PDE4D: variants seen among roughly 807,000 people sequenced by gnomAD.
PDE4D encodes 3',5'-cyclic-AMP phosphodiesterase 4D.
PDE4D carries 24 observed loss-of-function variants against 87.4 expected under a neutral mutation model. The ratio of observed to expected loss-of-function variants is 0.27; its 90% CI spans 0.20 to 0.39. PDE4D has a LOEUF of 0.39. Ranked by LOEUF, PDE4D falls within the 10% of genes least tolerant of loss-of-function variation. PDE4D has a pLI of 1.00. For missense variants in PDE4D, 714 were observed against 1,041.0 expected (o/e 0.69, Z 4.32); for synonymous variants, 384 against 383.2 (o/e 1.00, Z -0.02).
At chr5:59,439,858 G>A (rs1189697144) in intron 1 of PDE4D, among the ~76,000 whole-genome samples, 2 of 152,150 alleles carry the variant, frequency 1.3e-5, no homozygotes, top group Non-Finnish European at 2.9e-5. Context: ...GTAGAGGTAA[G>A]CAGCTAGGTG....
intron 1 of PDE4D, among the ~76,000 whole-genome samples, chr5:60,455,269 T>C (rs1039478663): frequency 1.3e-5 from 2 of 152,198 alleles, no homozygotes; most frequent in African/African-American, 4.8e-5. Context: ...TTTTCTATTA[T>C]GAATTTACTA....
intron 1 of PDE4D, among the ~76,000 whole-genome samples, chr5:60,412,358 G>A (rs1742116068): frequency 6.6e-6 from 1 of 152,150 alleles, no homozygotes; most frequent in African/African-American, 2.4e-5. Flanking sequence ...GAGCAATCCA[G>A]AAGAGATAGA....
At chr5:59,074,565 C>T (rs1462022758) in intron 5 of PDE4D, among the ~76,000 whole-genome samples, 2 of 152,120 alleles carry the variant, frequency 1.3e-5, no homozygotes, top group African/African-American at 4.8e-5. Flanking sequence ...CCAGACCAGC[C>T]TGGCCAACAT....
At chr5:59,715,580 T>C (rs946066218) in intron 1 of PDE4D, among the ~76,000 whole-genome samples, 3 of 152,202 alleles carry the variant, frequency 2.0e-5, no homozygotes, top group Non-Finnish European at 4.4e-5. Context: ...CATATGATAA[T>C]CTGCACCAAT....
intron 1 of PDE4D, among the ~76,000 whole-genome samples, chr5:59,363,884 G>A (rs1782624253): frequency 6.6e-6 from 1 of 152,130 alleles, no homozygotes; most frequent in Non-Finnish European, 1.5e-5. Context: ...GAGAGAGGAG[G>A]CCTAGAGTAT....
At chr5:60,014,077 G>A (rs1765278025) in intron 2 of PDE4D, among the ~76,000 whole-genome samples, 1 of 135,726 alleles carries the variant, frequency 7.4e-6, no homozygotes, top group African/African-American at 2.9e-5. Context: ...TGGCAACAGA[G>A]CAAGACTCCA....
Position 59,892,168 on chromosome 5 carries a change from C to T in PDE4D, c.455+1000G>A, listed in dbSNP as rs556594064. 5.3e-5 allele frequency among the ~76,000 whole-genome samples: 8 copies of T among 152,232 alleles called. No homozygotes were observed. The South Asian group carries it at 1.7e-3, about 32-fold the overall frequency. ...TATCAGGAAAGGGACCAAACGTGGGCCCCACATCCACCTCCACGCCTGAGT... is the reference window on the plus strand; with the variant it reads ...TATCAGGAAAGGGACCAAACGTGGGTCCCACATCCACCTCCACGCCTGAGT... On this transcript the variant is annotated intron_variant, in intron 1 of 14. Coordinates refer to ENST00000340635, the MANE Select transcript of PDE4D (RefSeq NM_001104631.2).
intron 6 of PDE4D, among the ~76,000 whole-genome samples, chr5:59,010,449 CTTTTT>C (rs978000323): frequency 3.1e-4 from 46 of 150,500 alleles, no homozygotes; most frequent in Non-Finnish European, 4.9e-4. Flanking sequence ...AAATATTGTC[CTTTTT>C]TGTTTTATTT....
intron 2 of PDE4D, among the ~76,000 whole-genome samples, chr5:60,005,493 C>CACAT (rs1764389177): frequency 6.6e-6 from 1 of 151,916 alleles, no homozygotes; most frequent in African/African-American, 2.4e-5. Context: ...CATATACACA[C>CACAT]ACATACATAC....
At chr5:59,482,381 T>C (rs559923187) in intron 1 of PDE4D, among the ~76,000 whole-genome samples, 16 of 152,328 alleles carry the variant, frequency 1.1e-4, no homozygotes, top group African/African-American at 2.9e-4. Context: ...GAGCCACTTA[T>C]TGTGGCATTG....
chr5:60,375,841 C>A (rs1191723041), intron 1 of PDE4D, among the ~76,000 whole-genome samples: 1 of 152,158 alleles, frequency 6.6e-6, no homozygotes, highest in Admixed American at 6.5e-5. Flanking sequence ...GAGATTGAGA[C>A]CATCCTGGCC....
chr5:60,344,050 T>C (rs989510272), intron 1 of PDE4D, among the ~76,000 whole-genome samples: 1 of 152,024 alleles, frequency 6.6e-6, no homozygotes, highest in African/African-American at 2.4e-5. Flanking sequence ...TACAGAGTTA[T>C]AAACTGGCAA....
At chr5:59,446,746 A>G (rs891881940) in intron 1 of PDE4D, among the ~76,000 whole-genome samples, 8 of 152,206 alleles carry the variant, frequency 5.3e-5, no homozygotes, top group African/African-American at 2.4e-5. Context: ...CTCAAACTCC[A>G]TTACATTAAT....
rs35285881 is a variant in PDE4D at position 59,914,571 on chromosome 5, CGTGT to C, written c.272+73913_272+73916del. Among the ~76,000 whole-genome samples, 297 of 130,750 alleles carry C rather than the reference CGTGT, an allele frequency of 2.3e-3. 2 individuals are homozygous for C. Among genetic ancestry groups the C allele is most frequent in the Middle Eastern group, 0.014 (3 of 216 alleles). 85.8% of individuals were successfully genotyped at this position (130,750 alleles called of 152,430 possible). On this transcript the variant is annotated intron_variant, in intron 3 of 16. Coordinates refer to the PDE4D transcript ENST00000502484. Reference sequence around the variant, plus strand: ...GTGTGTGTGTGTGTGTGTGCATGTGCGTGTGTGTGTGTGTGTGTGTGTTTGGGGG... The same window carrying C: ...GTGTGTGTGTGTGTGTGTGCATGTGCGTGTGTGTGTGTGTGTGTTTGGGGG...
At chr5:59,071,556 TC>T (rs1349033388) in intron 5 of PDE4D, among the ~76,000 whole-genome samples, 2 of 151,302 alleles carry the variant, frequency 1.3e-5, no homozygotes, top group African/African-American at 2.4e-5. Flanking sequence ...TTTTTTTTTT[TC>T]CATAGCATCT....
chr5:59,957,572 G>A (rs1489246501), intron 3 of PDE4D, among the ~76,000 whole-genome samples: 1 of 151,804 alleles, frequency 6.6e-6, no homozygotes, highest in Admixed American at 6.6e-5. Context: ...TAGAGAAAAG[G>A]AATATAACAT....
In PDE4D at chr5:59,580,955, T is replaced by C. The variant is rs570249746; in HGVS notation, c.455+312213A>G. Among the ~76,000 whole-genome samples the C allele has an allele frequency of 2.6e-5, 4 of 152,234 alleles. No individual in the cohort carries two copies. The South Asian group carries it at 8.3e-4, about 32-fold the overall frequency. The stretch of plus-strand genomic sequence containing the variant: ...TAGATTATCTATCCTTGAAATCATA[T>C]ATGGAGAGATATATATGTATAAATT... On this transcript the variant is annotated intron_variant, in intron 1 of 14. Coordinates refer to ENST00000340635, the MANE Select transcript of PDE4D (RefSeq NM_001104631.2).
intron 1 of PDE4D, among the ~76,000 whole-genome samples, chr5:59,855,894 C>T (rs554569557): frequency 1.3e-5 from 2 of 152,048 alleles, no homozygotes; most frequent in South Asian, 4.2e-4. Flanking sequence ...ACGATATTGC[C>T]CTTGGATTGA....
At chr5:59,967,400 C>A (rs1412045643) in intron 3 of PDE4D, among the ~76,000 whole-genome samples, 1 of 151,994 alleles carries the variant, frequency 6.6e-6, no homozygotes, top group Non-Finnish European at 1.5e-5. Flanking sequence ...CTACAGGGAA[C>A]TTAAACAAAT....
Sources: allele counts gnomAD v4.1 joint callset (sites outside exome capture counted in the v4.1 genomes callset), GRCh38; gene constraint gnomAD v4.1.1; transcripts MANE v1.5; gene names NCBI Gene and HGNC (gene_info 2026-07-23, HGNC 2026-07-21).